SVIL: variants seen among roughly 807,000 people sequenced by gnomAD.
SVIL encodes archvillin.
SVIL carries 101 observed loss-of-function variants against 240.4 expected under a neutral mutation model. That is an observed-to-expected ratio of 0.42 (90% CI 0.36 to 0.50). SVIL has a LOEUF of 0.50. Ranked by LOEUF, SVIL falls within the 20% of genes least tolerant of loss-of-function variation. SVIL has a pLI of 0.01. For synonymous variants in SVIL, 999 were observed against 1,100.0 expected (o/e 0.91, Z 1.82); for missense variants, 2,512 against 2,818.7 (o/e 0.89, Z 2.46).
Position 29,592,233 on chromosome 10 carries a change from C to T in SVIL, c.-200-22921G>A, listed in dbSNP as rs1589341128. Among the ~76,000 whole-genome samples the T allele has an allele frequency of 5.3e-5, 8 of 152,264 alleles. 2 individuals carry two copies. In the Middle Eastern group the frequency reaches 0.027, roughly 518 times the overall value. On this transcript the variant is annotated intron_variant, in intron 1 of 37. Coordinates refer to ENST00000355867, the MANE Select transcript of SVIL (RefSeq NM_021738.3). Reference sequence around the variant, plus strand: ...TGCCACTGCACTCCAGCCTGGGCAACAGAGTGAGACTCTTTCTCAAAAATA... The same window carrying T: ...TGCCACTGCACTCCAGCCTGGGCAATAGAGTGAGACTCTTTCTCAAAAATA...
At chr10:29,540,211 T>C (rs1952044324) in intron 6 of SVIL, among the ~76,000 whole-genome samples, 1 of 152,150 alleles carries the variant, frequency 6.6e-6, no homozygotes, top group Non-Finnish European at 1.5e-5. Flanking sequence ...CCCAAAGCCC[T>C]TGCGGTGGTT....
chr10:29,729,997 C>T (rs990689610), intron 1 of SVIL, among the ~76,000 whole-genome samples: 1 of 151,124 alleles, frequency 6.6e-6, no homozygotes, highest in East Asian at 2.0e-4. Context: ...CGAGACCAGC[C>T]TGGGCAACAT....
At chr10:29,581,651 C>G (rs943754992) in intron 1 of SVIL, among the ~76,000 whole-genome samples, 1 of 152,132 alleles carries the variant, frequency 6.6e-6, no homozygotes, top group African/African-American at 2.4e-5. Context: ...TTATTAGTGT[C>G]TTTAAAGTTA....
chr10:29,704,146 G>A (rs1564779359), intron 1 of SVIL, among the ~76,000 whole-genome samples: 1 of 152,102 alleles, frequency 6.6e-6, no homozygotes, highest in Admixed American at 6.6e-5. Context: ...TAGTTCACTG[G>A]TACTTCCTGC....
intron 6 of SVIL, among the ~76,000 whole-genome samples, chr10:29,541,306 G>T (rs939853016): frequency 6.6e-6 from 1 of 152,116 alleles, no homozygotes; most frequent in Admixed American, 6.5e-5. Context: ...TTGCACATGC[G>T]GTCAAGAATC....
chr10:29,653,472 G>T (rs1958905717), intron 3 of SVIL, among the ~76,000 whole-genome samples: 1 of 152,140 alleles, frequency 6.6e-6, no homozygotes, highest in African/African-American at 2.4e-5. Flanking sequence ...CCCAGTCTCA[G>T]GTAGTTCTTT....
chr10:29,690,565 A>T (rs1414453357), intron 1 of SVIL, among the ~76,000 whole-genome samples: 1 of 152,136 alleles, frequency 6.6e-6, no homozygotes, highest in South Asian at 2.1e-4. Flanking sequence ...AGAAGGCCCT[A>T]TGTTTTTATT....
intron 34 of SVIL, among the ~76,000 whole-genome samples, chr10:29,465,290 A>T (rs1028219039): frequency 9.2e-5 from 14 of 152,258 alleles, no homozygotes; most frequent in Non-Finnish European, 2.1e-4. Flanking sequence ...GACTGAGAGG[A>T]AGGCTGGGAA....
chr10:29,546,513 G>A (rs1298527419), intron 6 of SVIL, among the ~76,000 whole-genome samples: 1 of 152,060 alleles, frequency 6.6e-6, no homozygotes, highest in Non-Finnish European at 1.5e-5. Flanking sequence ...CTAAAGAATT[G>A]TAAAATAAAT....
intron 5 of SVIL, among the ~76,000 whole-genome samples, chr10:29,553,245 G>A (rs1236843246): frequency 6.6e-6 from 1 of 151,622 alleles, no homozygotes; most frequent in Non-Finnish European, 1.5e-5. Context: ...GAGATCAACA[G>A]CTGTCTCTGA....
At chr10:29,640,794 A>C (rs1174370903) in intron 3 of SVIL, among the ~76,000 whole-genome samples, 1 of 152,144 alleles carries the variant, frequency 6.6e-6, no homozygotes, top group East Asian at 1.9e-4. Flanking sequence ...CATGGGCCTG[A>C]GTCAGGCTTA....
intron 1 of SVIL, among the ~76,000 whole-genome samples, chr10:29,577,393 C>T (rs1206169113): frequency 1.3e-5 from 2 of 152,172 alleles, no homozygotes; most frequent in African/African-American, 4.8e-5. Flanking sequence ...CCTTTGAGTC[C>T]TCATAGCTTA....
At chr10:29,555,888 G>T (rs1422386437) in intron 3 of SVIL, among the ~76,000 whole-genome samples, 2 of 152,216 alleles carry the variant, frequency 1.3e-5, no homozygotes, top group African/African-American at 2.4e-5. Flanking sequence ...CTATCTGATT[G>T]TGTTTCCAGC....
At chr10:29,564,872 G>A (rs1446259371) in intron 2 of SVIL, among the ~76,000 whole-genome samples, 1 of 152,190 alleles carries the variant, frequency 6.6e-6, no homozygotes, top group Non-Finnish European at 1.5e-5. Flanking sequence ...CTTAGAATTA[G>A]CACCGACTTC....
chr10:29,680,343 A>G (rs1050584024), intron 2 of SVIL, among the ~76,000 whole-genome samples: 1 of 152,182 alleles, frequency 6.6e-6, no homozygotes, highest in Non-Finnish European at 1.5e-5. Context: ...TGGCATCTTT[A>G]GTGATCAGTC....
intron 1 of SVIL, among the ~76,000 whole-genome samples, chr10:29,729,118 C>T (rs1249283348): frequency 6.6e-6 from 1 of 152,126 alleles, no homozygotes; most frequent in African/African-American, 2.4e-5. Flanking sequence ...AGGTCCCCCT[C>T]CCCAACTAAG....
At chr10:29,703,600 G>A (rs905183269) in intron 1 of SVIL, among the ~76,000 whole-genome samples, 39 of 152,344 alleles carry the variant, frequency 2.6e-4, no homozygotes, top group African/African-American at 8.4e-4. Context: ...CAGCAGACTC[G>A]TGGAACCAGC....
intron 1 of SVIL, among the ~76,000 whole-genome samples, chr10:29,578,856 A>C (rs1348294555): frequency 1.3e-5 from 2 of 152,238 alleles, no homozygotes; most frequent in African/African-American, 2.4e-5. Flanking sequence ...TTTCTTGAAT[A>C]GTTTGCAGAG....
chr10:29,617,399 C>T (rs1485739158), intron 1 of SVIL, among the ~76,000 whole-genome samples: 1 of 151,882 alleles, frequency 6.6e-6, no homozygotes, highest in Non-Finnish European at 1.5e-5. Context: ...ATGTATTTCT[C>T]TATTTTGTAT....
Sources: allele counts gnomAD v4.1 joint callset (sites outside exome capture counted in the v4.1 genomes callset), GRCh38; gene constraint gnomAD v4.1.1; transcripts MANE v1.5; gene names NCBI Gene and HGNC (gene_info 2026-07-23, HGNC 2026-07-21).